The following DNAH14 variants were observed in gnomAD, a reference collection of about 807,000 sequenced individuals.
DNAH14 encodes the protein dynein axonemal heavy chain 14.
DNAH14 carries 478 observed loss-of-function variants against 520.9 expected under a neutral mutation model. The observed-to-expected ratio is 0.92, with a 90% confidence interval of 0.85 to 0.99. DNAH14 has a LOEUF of 0.99. DNAH14 is among the 50% of genes least tolerant of loss of function. The pLI is 0.00. For synonymous variants in DNAH14, 1,581 were observed against 1,757.2 expected, an observed-to-expected ratio of 0.90 and a Z score of 2.51; for missense variants, 4,831 against 5,234.5, an observed-to-expected ratio of 0.92 and a Z score of 2.38.
intron 11 of DNAH14, among the ~76,000 whole-genome samples, chr1:225,034,409 C>G (rs955652296): frequency 1.3e-5 from 2 of 152,064 alleles, no homozygotes; most frequent in Non-Finnish European, 2.9e-5. Context: ...GGGATGAAGC[C>G]TACTTGATCA....
At chr1:225,299,141 G>A (rs1330206315) in intron 55 of DNAH14, among the ~76,000 whole-genome samples, 1 of 152,208 alleles carries the variant, frequency 6.6e-6, no homozygotes, top group Non-Finnish European at 1.5e-5. Context: ...CCAGTCGCCA[G>A]GCCCAGAATA....
chr1:224,978,056 G>C (rs1253841832), intron 8 of DNAH14, among the ~76,000 whole-genome samples: 1 of 152,174 alleles, frequency 6.6e-6, no homozygotes, highest in Non-Finnish European at 1.5e-5. Flanking sequence ...CTTATACACT[G>C]TTGGTGGGAA....
chr1:225,063,678 T>C (rs928739808), intron 17 of DNAH14, among the ~76,000 whole-genome samples: 1 of 152,226 alleles, frequency 6.6e-6, no homozygotes, highest in Admixed American at 6.5e-5. Context: ...CTATCATATG[T>C]GTAATTATAG....
At chr1:224,981,675 C>A (rs1322298348) in intron 8 of DNAH14, among the ~76,000 whole-genome samples, 1 of 152,082 alleles carries the variant, frequency 6.6e-6, no homozygotes, top group Non-Finnish European at 1.5e-5. Flanking sequence ...GATTTTCTTT[C>A]TTCTTTTCTT....
intron 36 of DNAH14, among the ~76,000 whole-genome samples, chr1:225,169,609 AT>A (rs1161608728): frequency 6.6e-6 from 1 of 152,210 alleles, no homozygotes; most frequent in African/African-American, 2.4e-5. Flanking sequence ...CCTCCAAGAA[AT>A]ATGGGACTAT....
At chr1:225,290,138 C>A in intron 55 of DNAH14, 56 bp downstream of exon 55, 3 of 1,210,602 alleles carry the variant, frequency 2.5e-6, no homozygotes, top group South Asian at 2.8e-5. Context: ...GTGGCTACCC[C>A]CTCCCCAAAA....
chr1:225,079,969 G>A (rs750949230), intron 18 of DNAH14, among the ~76,000 whole-genome samples: 11 of 151,832 alleles, frequency 7.2e-5, no homozygotes, highest in Non-Finnish European at 1.0e-4. Context: ...CACCGTGACC[G>A]GCCAATACAA....
intron 61 of DNAH14, among the ~76,000 whole-genome samples, chr1:225,319,077 C>T (rs779657817): frequency 4.6e-5 from 7 of 152,164 alleles, no homozygotes; most frequent in Admixed American, 6.5e-5. Flanking sequence ...ACATTGTAAA[C>T]GGCTGCTTGT....
intron 1 of DNAH14, among the ~76,000 whole-genome samples, chr1:224,944,965 T>G (rs527829226): frequency 6.6e-6 from 1 of 152,342 alleles, no homozygotes; most frequent in South Asian, 2.1e-4. Context: ...CTGACAGTTA[T>G]GTGTCTTGGA....
intron 17 of DNAH14, 107 bp from the exon 18 acceptor site, chr1:225,079,100 A>G (rs937863660): frequency 1.4e-4 from 144 of 1,033,546 alleles, no homozygotes; most frequent in Non-Finnish European, 1.9e-4. Context: ...TGTTTTAATT[A>G]TTTTCTGAAA....
At chr1:225,198,013 T>C (rs2086371605) in intron 38 of DNAH14, among the ~76,000 whole-genome samples, 1 of 152,160 alleles carries the variant, frequency 6.6e-6, no homozygotes, top group South Asian at 2.1e-4. Context: ...CTTTATTGAT[T>C]TGGATGCCTT....
chr1:224,969,664 C>A, intron 7 of DNAH14: 1 of 276,920 alleles, frequency 3.6e-6, no homozygotes, highest in Non-Finnish European at 6.5e-6. Context: ...GAGGGACCGG[C>A]CGAAGCCATG....
chr1:224,937,686 A>G (rs2059131120), intron 1 of DNAH14, among the ~76,000 whole-genome samples: 1 of 152,098 alleles, frequency 6.6e-6, no homozygotes, highest in Non-Finnish European at 1.5e-5. Flanking sequence ...CTGCACAGAA[A>G]TAGAAAAAAC....
intron 17 of DNAH14, among the ~76,000 whole-genome samples, chr1:225,078,768 ATCTCTCTCTCTC>A (rs1170812870): frequency 1.5e-3 from 23 of 15,678 alleles, no homozygotes; most frequent in African/African-American, 4.5e-3. Context: ...CCCATTCTCA[ATCTCTCTCTCTC>A]TCTCTCTCTC....
intron 81 of DNAH14, among the ~76,000 whole-genome samples, chr1:225,387,920 A>G (rs1427669393): frequency 6.6e-6 from 1 of 152,090 alleles, no homozygotes; most frequent in East Asian, 1.9e-4. Context: ...TGGAGAATGG[A>G]AAGCTGAATC....
rs1471754033 is a variant in DNAH14 at position 225,152,796 on chromosome 1, G to T, written c.5109G>T (p.Leu1703Phe). Reference protein sequence around the residue: ...PHYQMIAEIILFSFGFKSANS... With the variant: ...PHYQMIAEIIFFSFGFKSANS... The stretch of plus-strand genomic sequence containing the variant: ...ATCAAATGATTGCTGAAATAATATT[G>T]TTTTCATTTGGTTTCAAATCTGCAA... The change falls in exon 33 of 86, where the codon TTG becomes TTT. Residue 1703 changes from leucine to phenylalanine, a missense_variant. Coordinates refer to ENST00000682510, the MANE Select transcript of DNAH14 (RefSeq NM_001367479.1). The T allele has an allele frequency of 1.3e-6, 2 of 1,551,250 alleles. No individual in the cohort carries two copies. The highest frequency in any genetic ancestry group is 4.9e-5 in the East Asian group (2 of 40,882).
intron 8 of DNAH14, among the ~76,000 whole-genome samples, chr1:224,979,592 G>T (rs1160150272): frequency 6.6e-6 from 1 of 152,194 alleles, no homozygotes; most frequent in African/African-American, 2.4e-5. Flanking sequence ...ACAAGTCCTA[G>T]TGCTGTTTTG....
intron 64 of DNAH14, among the ~76,000 whole-genome samples, chr1:225,330,222 A>G: frequency 6.6e-6 from 1 of 152,194 alleles, no homozygotes; most frequent in Non-Finnish European, 1.5e-5. Context: ...AAATTAGTAC[A>G]ACCACTATGG....
chr1:225,112,477 A>G (rs932888115), intron 23 of DNAH14, among the ~76,000 whole-genome samples: 16 of 152,120 alleles, frequency 1.1e-4, no homozygotes, highest in Admixed American at 6.5e-4. Flanking sequence ...TTGGTGTTCT[A>G]TAACCTTCTT....
Sources: allele counts gnomAD v4.1 joint callset (sites outside exome capture counted in the v4.1 genomes callset), GRCh38; gene constraint gnomAD v4.1.1; transcripts MANE v1.5; gene names NCBI Gene and HGNC (gene_info 2026-07-23, HGNC 2026-07-21).